Variants in CCSER1 observed in about 807,000 individuals in gnomAD.
The protein encoded by CCSER1 is coiled-coil serine rich protein 1, also known as serine-rich coiled-coil domain-containing protein 1.
In CCSER1, 41 loss-of-function variants were observed where a neutral mutation model predicts 82.0. The observed-to-expected ratio is 0.50, with a 90% CI of 0.39 to 0.65. CCSER1 has a LOEUF of 0.65. Among genes scored for constraint, CCSER1 ranks in the 30% least tolerant of loss-of-function variants. CCSER1 has a pLI of 0.00. For missense variants in CCSER1, 1,119 were observed against 1,064.2 expected (o/e 1.05, Z -0.72); for synonymous variants, 414 against 383.9 (o/e 1.08, Z -0.92).
At chr4:90,409,566 A>G (rs1754345048) in intron 4 of CCSER1, among the ~76,000 whole-genome samples, 1 of 152,230 alleles carries the variant, frequency 6.6e-6, no homozygotes, top group South Asian at 2.1e-4. Context: ...AATCCTTTAC[A>G]TACAAGCAAA....
At chr4:91,362,515 C>T (rs1440588065) in intron 10 of CCSER1, among the ~76,000 whole-genome samples, 3 of 151,666 alleles carry the variant, frequency 2.0e-5, no homozygotes, top group African/African-American at 7.3e-5. Context: ...ATTTAAAGTC[C>T]AAAATATTTT....
chr4:90,745,389 T>C (rs537464493), intron 7 of CCSER1, among the ~76,000 whole-genome samples: 1 of 152,344 alleles, frequency 6.6e-6, no homozygotes, highest in East Asian at 1.9e-4. Context: ...ATTACAAGGT[T>C]GGCTGATTAG....
intron 2 of CCSER1, among the ~76,000 whole-genome samples, chr4:90,311,744 A>C (rs1187784855): frequency 1.3e-5 from 2 of 152,202 alleles, no homozygotes; most frequent in East Asian, 3.8e-4. Flanking sequence ...TGTCTTAAAA[A>C]GTTATTTAAA....
intron 10 of CCSER1, among the ~76,000 whole-genome samples, chr4:91,329,924 A>C (rs1560592912): frequency 6.6e-6 from 1 of 151,772 alleles, no homozygotes; most frequent in Admixed American, 6.6e-5. Context: ...TACTTTTATT[A>C]GTCATTTTGC....
At chr4:91,147,933 G>A (rs1228734128) in intron 10 of CCSER1, among the ~76,000 whole-genome samples, 1 of 152,140 alleles carries the variant, frequency 6.6e-6, no homozygotes, top group Non-Finnish European at 1.5e-5. Context: ...CATTTCTTAA[G>A]ATGTAATGTT....
At chr4:90,459,790 T>C (rs1016555841) in intron 4 of CCSER1, among the ~76,000 whole-genome samples, 1 of 152,214 alleles carries the variant, frequency 6.6e-6, no homozygotes, top group Non-Finnish European at 1.5e-5. Flanking sequence ...GTAGGGACTT[T>C]ATAAATGCTT....
At chr4:91,197,383 C>T (rs532535211) in intron 10 of CCSER1, among the ~76,000 whole-genome samples, 2 of 152,246 alleles carry the variant, frequency 1.3e-5, no homozygotes, top group South Asian at 2.1e-4. Flanking sequence ...CATTCTGGAA[C>T]GGATTTAAGA....
rs1474668611 is a variant in CCSER1, at chr4:91,230,022, C to G, written c.2217+144028C>G. On this transcript the variant is annotated intron_variant, in intron 10 of 10. Transcript: ENST00000509176. ...TAAAAAAAATTAATTTCTTTTGTAC[C>G]CCACCAAATATTCATTCGAGTACTA... 2.0e-5 allele frequency among the ~76,000 whole-genome samples: 3 copies of G among 151,924 alleles called. No homozygotes were observed. In the East Asian group the frequency reaches 5.8e-4, roughly 29 times the overall value.
At chr4:91,486,274 G>C (rs1048627465) in intron 10 of CCSER1, among the ~76,000 whole-genome samples, 3 of 151,626 alleles carry the variant, frequency 2.0e-5, no homozygotes, top group Non-Finnish European at 4.4e-5. Flanking sequence ...CTAGAAAGAG[G>C]GCATAATTTG....
At chr4:91,524,180 A>T (rs1578694174) in intron 10 of CCSER1, among the ~76,000 whole-genome samples, 1 of 152,158 alleles carries the variant, frequency 6.6e-6, no homozygotes, top group Non-Finnish European at 1.5e-5. Context: ...AAATGTTTCC[A>T]CTACGTTGAA....
At chr4:91,304,718 A>T (rs572708353) in intron 10 of CCSER1, among the ~76,000 whole-genome samples, 1 of 152,192 alleles carries the variant, frequency 6.6e-6, no homozygotes, top group South Asian at 2.1e-4. Flanking sequence ...CACACTGTTA[A>T]CACTATGAAT....
intron 10 of CCSER1, among the ~76,000 whole-genome samples, chr4:91,542,260 T>C (rs950188579): frequency 1.3e-5 from 2 of 152,208 alleles, no homozygotes; most frequent in Admixed American, 6.5e-5. Context: ...ATTTTGGCTT[T>C]TGTTACCATT....
At chr4:90,551,706 C>CTCTCTCTCTCTCTCTCTCTCTATATA in intron 5 of CCSER1, among the ~76,000 whole-genome samples, 11 of 104,238 alleles carry the variant, frequency 1.1e-4, no homozygotes, top group Admixed American at 7.5e-4. Context: ...CTCTCTCTCT[C>CTCTCTCTCTCTCTCTCTCTCTATATA]TATATATATA....
chr4:91,347,851 A>C, intron 10 of CCSER1, among the ~76,000 whole-genome samples: 1 of 130,624 alleles, frequency 7.7e-6, no homozygotes, highest in Admixed American at 7.7e-5. Context: ...ATCACTTCTT[A>C]GTGCCAGTAG....
At chr4:90,937,401 A>G (rs1429951822) in intron 9 of CCSER1, among the ~76,000 whole-genome samples, 1 of 152,032 alleles carries the variant, frequency 6.6e-6, no homozygotes, top group Non-Finnish European at 1.5e-5. Context: ...TCTAATCTAT[A>G]TAACACACAG....
intron 10 of CCSER1, among the ~76,000 whole-genome samples, chr4:91,530,338 A>G (rs1760960097): frequency 6.6e-6 from 1 of 151,362 alleles, no homozygotes; most frequent in South Asian, 2.1e-4. Flanking sequence ...TATGAATATT[A>G]TTGGAAAATA....
chr4:91,506,981 T>A (rs536234329), intron 10 of CCSER1, among the ~76,000 whole-genome samples: 1 of 152,328 alleles, frequency 6.6e-6, no homozygotes, highest in East Asian at 1.9e-4. Context: ...TTTCTTATAA[T>A]TGATAATAAA....
chr4:91,459,030 T>G (rs1756355262), intron 10 of CCSER1, among the ~76,000 whole-genome samples: 1 of 151,980 alleles, frequency 6.6e-6, no homozygotes, highest in African/African-American at 2.4e-5. Flanking sequence ...TCCCTAAGAG[T>G]TCTTATGGGA....
intron 8 of CCSER1, among the ~76,000 whole-genome samples, chr4:90,850,847 G>T (rs1046474147): frequency 1.3e-5 from 2 of 152,156 alleles, no homozygotes; most frequent in African/African-American, 4.8e-5. Context: ...TAAATGTGAG[G>T]ACATGATATT....
Sources: gnomAD v4.1 joint callset for allele counts (sites outside exome capture counted in the v4.1 genomes callset) on GRCh38, gnomAD v4.1.1 for gene constraint, MANE v1.5 for transcripts, NCBI Gene and HGNC (gene_info 2026-07-23, HGNC 2026-07-21) for gene names.